TNKS: variants seen among roughly 807,000 people sequenced by gnomAD.
TNKS encodes the protein tankyrase, also known as poly [ADP-ribose] polymerase tankyrase-1.
TNKS carries 72 observed loss-of-function variants against 135.8 expected under a neutral mutation model. The ratio of observed to expected loss-of-function variants is 0.53; its 90% CI spans 0.44 to 0.64. The LOEUF is 0.64. TNKS is among the 30% of genes least tolerant of loss of function. The pLI is 0.00. For synonymous variants in TNKS, 849 were observed against 649.3 expected (o/e 1.31, Z -4.68); for missense variants, 1,769 against 1,674.0 (o/e 1.06, Z -0.99).
At chr8:9,612,844 C>CACTT (rs79167249) in intron 2 of TNKS, among the ~76,000 whole-genome samples, 1 of 151,810 alleles carries the variant, frequency 6.6e-6, no homozygotes, top group East Asian at 1.9e-4. Flanking sequence ...CATAAACAGT[C>CACTT]AACACTTATT....
intron 5 of TNKS, among the ~76,000 whole-genome samples, chr8:9,684,624 T>TACTAGTATATGTC (rs1450990226): frequency 2.0e-5 from 3 of 152,136 alleles, no homozygotes; most frequent in Non-Finnish European, 4.4e-5. Context: ...CTACTGTTGC[T>TACTAGTATATGTC]ACTAGTATAT....
intron 2 of TNKS, among the ~76,000 whole-genome samples, chr8:9,598,765 G>GTGTA (rs1449352201): frequency 2.6e-3 from 127 of 49,508 alleles, no homozygotes; most frequent in Non-Finnish European, 4.0e-3. Context: ...ATGTGTGTGT[G>GTGTA]TATATATATA....
intron 1 of TNKS, among the ~76,000 whole-genome samples, chr8:9,572,701 C>T (rs1436220473): frequency 6.6e-6 from 1 of 152,176 alleles, no homozygotes; most frequent in African/African-American, 2.4e-5. Flanking sequence ...ATATACCCCT[C>T]TATAATTTTG....
chr8:9,753,118 G>T (rs924156018), intron 20 of TNKS, among the ~76,000 whole-genome samples: 11 of 152,080 alleles, frequency 7.2e-5, no homozygotes, highest in Non-Finnish European at 1.3e-4. Flanking sequence ...TAACAAATGA[G>T]TCTTTATTTT....
In TNKS at chr8:9,731,141, A is replaced by AT. The variant is rs923514365; in HGVS notation, c.2147+112dup. On this transcript the variant is annotated intron_variant, in intron 14 of 26. Transcript: ENST00000310430. ...TTTCTGTATTAAAAAAGTAATCGTTATTTTTTGTTTAAAACATAAATTAAA... is the reference window on the plus strand; with the variant it reads ...TTTCTGTATTAAAAAAGTAATCGTTATTTTTTTGTTTAAAACATAAATTAAA... 4 of 1,295,520 alleles carry AT rather than the reference A, an allele frequency of 3.1e-6. No homozygotes were observed. The South Asian group carries it at 5.5e-5, about 18-fold the overall frequency. The allele number at this position is 1,295,520 out of a possible 1,614,324, so 80.3% of individuals were successfully genotyped here. A position where few individuals can be genotyped will look rare whatever the true frequency, so the allele number is the denominator to read the frequency against.
intron 3 of TNKS, among the ~76,000 whole-genome samples, chr8:9,642,908 A>G (rs1220305419): frequency 6.8e-6 from 1 of 146,430 alleles, no homozygotes; most frequent in Non-Finnish European, 1.5e-5. Context: ...TTTATGTACT[A>G]TTGTTATAAA....
chr8:9,703,450 T>G (rs1167366112), intron 5 of TNKS, among the ~76,000 whole-genome samples: 1 of 152,176 alleles, frequency 6.6e-6, no homozygotes, highest in Non-Finnish European at 1.5e-5. Flanking sequence ...ATGAAGAAGC[T>G]GAGACACACG....
At chr8:9,774,949 C>CA (rs1370351646) in intron 26 of TNKS, among the ~76,000 whole-genome samples, 1 of 152,164 alleles carries the variant, frequency 6.6e-6, no homozygotes, top group African/African-American at 2.4e-5. Context: ...CAGCATATGC[C>CA]AGCCTGCGTT....
intron 20 of TNKS, among the ~76,000 whole-genome samples, chr8:9,757,336 G>A (rs936661237): frequency 1.3e-5 from 2 of 152,142 alleles, no homozygotes; most frequent in Admixed American, 1.3e-4. Flanking sequence ...GATCCTCTCT[G>A]TGCCTGCTGC....
chr8:9,584,958 A>G (rs183837363), intron 2 of TNKS, among the ~76,000 whole-genome samples: 14 of 152,338 alleles, frequency 9.2e-5, no homozygotes, highest in Middle Eastern at 3.4e-3. Flanking sequence ...CATGAAGCCC[A>G]GCAAACCAAG....
Position 9,766,542 on chromosome 8 carries a change from G to A in TNKS, c.3740+117G>A, listed in dbSNP as rs188789509. On this transcript the variant is annotated intron_variant, in intron 25 of 26. Coordinates refer to ENST00000310430, the MANE Select transcript of TNKS (RefSeq NM_003747.3). ...GCTCTTGTCACCCAGGCTGGAGTGC[G>A]GTGGCACGATCCTGGCTCACGCAAC... is the stretch of plus-strand genomic sequence containing the variant. The A allele has an allele frequency of 5.6e-4, 533 of 949,058 alleles. 2 individuals are homozygous for A. The African/African-American group carries it at 7.8e-3, about 14-fold the overall frequency. 58.8% of individuals were successfully genotyped at this position (949,058 alleles called of 1,614,324 possible). A position where few individuals can be genotyped will look rare whatever the true frequency, so the allele number is the denominator to read the frequency against.
chr8:9,673,207 A>G (rs1048285521), intron 3 of TNKS, among the ~76,000 whole-genome samples: 2 of 152,184 alleles, frequency 1.3e-5, no homozygotes, highest in African/African-American at 4.8e-5. Context: ...ACTCGTACTA[A>G]GAGAGGTCAT....
Position 9,624,732 on chromosome 8 carries a change from T to C in TNKS, c.994+9055T>C, listed in dbSNP as rs184539004. ...TCTGGAAGAGACTGTAATGTGTTAG[T>C]AATACATTCGGCCCTAGGTGTCCTC... On this transcript the variant is annotated intron_variant, in intron 3 of 26. Transcript: ENST00000310430. Among the ~76,000 whole-genome samples, 27 of 152,288 alleles carry C rather than the reference T, an allele frequency of 1.8e-4. No individual in the cohort carries two copies. In the East Asian group the frequency reaches 4.4e-3, roughly 25 times the overall value.
In TNKS at chr8:9,763,846, T is replaced by C. The variant is rs1042861575; in HGVS notation, c.3372+602T>C. Among the ~76,000 whole-genome samples, 7 of 152,174 alleles carry C rather than the reference T, an allele frequency of 4.6e-5. No individual in the cohort carries two copies. The South Asian group carries it at 6.2e-4, about 14-fold the overall frequency. ...CCATTGTTATAAGTAAGCTACCCAA[T>C]TGTGTTATGCACATACCTAGGCAGA... On this transcript the variant is annotated intron_variant, in intron 22 of 26. Transcript: ENST00000310430.
intron 2 of TNKS, among the ~76,000 whole-genome samples, chr8:9,614,168 T>G (rs1262178879): frequency 6.6e-6 from 1 of 152,230 alleles, no homozygotes; most frequent in Non-Finnish European, 1.5e-5. Flanking sequence ...AAAAAACATG[T>G]TGTTACAATA....
intron 3 of TNKS, among the ~76,000 whole-genome samples, chr8:9,672,703 CACACACACA>C (rs1206892274): frequency 8.7e-6 from 1 of 114,768 alleles, no homozygotes; most frequent in Non-Finnish European, 1.8e-5. Flanking sequence ...CACACACACA[CACACACACA>C]AAAAAAAAAA....
At chr8:9,619,708 C>A (rs1799790891) in intron 3 of TNKS, among the ~76,000 whole-genome samples, 1 of 151,946 alleles carries the variant, frequency 6.6e-6, no homozygotes, top group African/African-American at 2.4e-5. Flanking sequence ...TGGCTCAGGC[C>A]ACCGGCAATA....
intron 12 of TNKS, among the ~76,000 whole-genome samples, chr8:9,721,298 T>TTTTTTATATATATATATA (rs140410610): frequency 1.7e-5 from 2 of 118,154 alleles, no homozygotes; most frequent in Non-Finnish European, 3.5e-5. Flanking sequence ...AATAAATAAA[T>TTTTTTATATATATATATA]TATATATATA....
chr8:9,704,830 C>G (rs1210198210), intron 6 of TNKS, 73 bp downstream of exon 6: 1 of 1,187,440 alleles, frequency 8.4e-7, no homozygotes, highest in Non-Finnish European at 1.2e-6. Flanking sequence ...AAACACTAGA[C>G]AAAGTCATAT....
Sources: gnomAD v4.1 joint callset for allele counts (sites outside exome capture counted in the v4.1 genomes callset) on GRCh38, gnomAD v4.1.1 for gene constraint, MANE v1.5 for transcripts, NCBI Gene and HGNC (gene_info 2026-07-23, HGNC 2026-07-21) for gene names.